Variants in MAST4 observed in about 807,000 individuals in gnomAD.
MAST4 encodes the protein microtubule associated serine/threonine kinase family member 4, also known as microtubule-associated serine/threonine-protein kinase 4.
In MAST4, 89 loss-of-function variants were observed where a neutral mutation model predicts 162.7. The ratio of observed to expected loss-of-function variants is 0.55; its 90% CI spans 0.46 to 0.65. The LOEUF (loss-of-function observed/expected upper bound fraction) is 0.65, where lower values mean the gene tolerates loss of function less well. MAST4 is among the 30% of genes least tolerant of loss of function. MAST4 has a pLI of 0.00. For synonymous variants in MAST4, 1,479 were observed against 1,361.1 expected, an observed-to-expected ratio of 1.09 and a Z score of -1.91; for missense variants, 3,153 against 3,374.0, an observed-to-expected ratio of 0.93 and a Z score of 1.62.
In MAST4 at chr5:66,967,499, C is replaced by T. The variant is rs1445587669; in HGVS notation, c.674+67517C>T. Among the ~76,000 whole-genome samples, 6 of 151,842 alleles carry T rather than the reference C, an allele frequency of 4.0e-5. No individual in the cohort carries two copies. In the South Asian group the frequency reaches 6.3e-4, roughly 16 times the overall value. ...GAGGTTGTGGTAAGACAAATTTGGG[C>T]GCAGTATGAAGGAAAGAATTTTCTA... On this transcript the variant is annotated intron_variant, in intron 4 of 28. Coordinates refer to ENST00000403625, the MANE Select transcript of MAST4 (RefSeq NM_001164664.2).
chr5:67,059,055 CCT>C (rs1759224228), intron 5 of MAST4, among the ~76,000 whole-genome samples: 1 of 152,156 alleles, frequency 6.6e-6, no homozygotes, highest in South Asian at 2.1e-4. Flanking sequence ...TGGGCTCTTA[CCT>C]GGAGGCTGGG....
chr5:67,033,347 CT>C (rs5868472), intron 4 of MAST4, among the ~76,000 whole-genome samples: 31,857 of 111,606 alleles, frequency 0.29, 4,001 homozygotes, highest in African/African-American at 0.43. Context: ...GTGTGTGTGG[CT>C]TTTTTTTTTT....
intron 7 of MAST4, among the ~76,000 whole-genome samples, chr5:67,096,454 C>T (rs949849079): frequency 2.0e-5 from 3 of 152,094 alleles, no homozygotes; most frequent in Admixed American, 1.3e-4. Flanking sequence ...TCTCTTTGCA[C>T]CAGCAAGGAA....
At chr5:67,090,125 A>C (rs1305459523) in intron 5 of MAST4, 37 bp from the exon 6 acceptor site, 1 of 1,382,046 alleles carries the variant, frequency 7.2e-7, no homozygotes, top group East Asian at 2.3e-5. Flanking sequence ...GATACACAAA[A>C]TCATGTAGTA....
chr5:66,596,683 G>A lies in MAST4; in HGVS notation c.28G>A (p.Glu10Lys). Reference sequence around the variant, plus strand: ...GGGGGAGAAAGTTTCGGAGGCGCCAGAGCCGGTGCCCCGCGGCTGCAGTGG... The same window carrying A: ...GGGGGAGAAAGTTTCGGAGGCGCCAAAGCCGGTGCCCCGCGGCTGCAGTGG... MGEKVSEAP[E>K]PVPRGCSGHG... Residue 10 changes from glutamate (E) to lysine (K), a missense_variant, in exon 1 of 29, where the codon GAG becomes AAG. Glu to Lys is a moderately conservative substitution (Grantham distance 56). Coordinates refer to ENST00000403625, the MANE Select transcript of MAST4 (RefSeq NM_001164664.2). The A allele has an allele frequency of 6.8e-7, 1 of 1,468,964 alleles. No individual in the cohort carries two copies. Among genetic ancestry groups the A allele is most frequent in the Non-Finnish European group, 9.0e-7 (1 of 1,111,810 alleles). 91.0% of individuals were successfully genotyped at this position (1,468,964 alleles called of 1,614,324 possible).
chr5:66,689,956 G>T (rs1275707255), intron 1 of MAST4, among the ~76,000 whole-genome samples: 1 of 152,148 alleles, frequency 6.6e-6, no homozygotes, highest in East Asian at 1.9e-4. Flanking sequence ...ACCTAGACTT[G>T]GCCTCCTCTA....
chr5:66,821,887 G>A (rs1757012774), intron 3 of MAST4, among the ~76,000 whole-genome samples: 6 of 152,118 alleles, frequency 3.9e-5, no homozygotes. Flanking sequence ...ATGGCCTGGA[G>A]GAAGATGGGG....
intron 1 of MAST4, among the ~76,000 whole-genome samples, chr5:66,750,001 A>C (rs1200800763): frequency 6.6e-6 from 1 of 152,214 alleles, no homozygotes; most frequent in African/African-American, 2.4e-5. Context: ...GATGAGAGAG[A>C]GAGAGCAGTT....
intron 5 of MAST4, among the ~76,000 whole-genome samples, chr5:67,071,381 GTAGA>G (rs374454712): frequency 6.8e-4 from 103 of 152,284 alleles, no homozygotes; most frequent in African/African-American, 2.4e-3. Flanking sequence ...AGGGAGGGAG[GTAGA>G]TAGATAAAAT....
At chr5:66,954,966 C>T (rs1351776874) in intron 4 of MAST4, among the ~76,000 whole-genome samples, 1 of 149,372 alleles carries the variant, frequency 6.7e-6, no homozygotes, top group East Asian at 2.0e-4. Context: ...TTTGAGAGGC[C>T]GAGGTGGGTG....
intron 2 of MAST4, among the ~76,000 whole-genome samples, chr5:66,780,701 A>C (rs954462941): frequency 1.3e-5 from 2 of 151,908 alleles, no homozygotes; most frequent in Non-Finnish European, 2.9e-5. Flanking sequence ...TGATTGGTCC[A>C]TTTTACAGAG....
chr5:66,673,516 G>GTTTT (rs1422436456), intron 1 of MAST4, among the ~76,000 whole-genome samples: 3 of 134,794 alleles, frequency 2.2e-5, no homozygotes, highest in East Asian at 2.1e-4. Flanking sequence ...AGTTTTTTTT[G>GTTTT]TTTTTTGTTT....
chr5:67,062,948 G>A (rs1273063832), intron 5 of MAST4, among the ~76,000 whole-genome samples: 1 of 152,118 alleles, frequency 6.6e-6, no homozygotes, highest in Non-Finnish European at 1.5e-5. Context: ...ACTTTATCCA[G>A]GTGATTCCTT....
At chr5:66,700,414 A>C (rs1333557027) in intron 1 of MAST4, among the ~76,000 whole-genome samples, 1 of 152,142 alleles carries the variant, frequency 6.6e-6, no homozygotes, top group African/African-American at 2.4e-5. Flanking sequence ...TGATACACTT[A>C]AATGTTTTGA....
chr5:66,776,102 A>G (rs1023859827), intron 2 of MAST4, among the ~76,000 whole-genome samples: 1 of 152,194 alleles, frequency 6.6e-6, no homozygotes, highest in African/African-American at 2.4e-5. Flanking sequence ...AAAAATAGAG[A>G]ACGTGTTAGG....
chr5:67,107,899 A>C (rs1353818686), intron 10 of MAST4, among the ~76,000 whole-genome samples: 1 of 152,242 alleles, frequency 6.6e-6, no homozygotes, highest in Non-Finnish European at 1.5e-5. Context: ...TGTAGTGGCC[A>C]ACCCTTAAAA....
chr5:66,662,762 G>GA (rs919894665), intron 1 of MAST4: 1 of 152,064 alleles, frequency 6.6e-6, no homozygotes, highest in Non-Finnish European at 1.5e-5. Context: ...CCTTTCTTTT[G>GA]AAAAAATTGG....
chr5:66,924,921 T>A (rs1764786108), intron 4 of MAST4, among the ~76,000 whole-genome samples: 1 of 152,176 alleles, frequency 6.6e-6, no homozygotes, highest in South Asian at 2.1e-4. Context: ...ATTTAAGAAA[T>A]AGGATAACAT....
chr5:66,887,415 C>G (rs111940594), intron 3 of MAST4, among the ~76,000 whole-genome samples: 2 of 152,292 alleles, frequency 1.3e-5, no homozygotes, highest in South Asian at 2.1e-4. Context: ...TTAGTACTAG[C>G]ATTAGCTAGG....
Sources: gnomAD v4.1 joint callset for allele counts (sites outside exome capture counted in the v4.1 genomes callset) on GRCh38, gnomAD v4.1.1 for gene constraint, MANE v1.5 for transcripts, NCBI Gene and HGNC (gene_info 2026-07-23, HGNC 2026-07-21) for gene names.